The following DHX29 variants were observed in gnomAD, a reference collection of about 807,000 sequenced individuals.
The protein encoded by DHX29 is DExH-box helicase 29.
A neutral mutation model predicts 167.9 loss-of-function variants in DHX29; 79 were observed. The observed-to-expected ratio is 0.47, with a 90% CI of 0.39 to 0.57. The LOEUF is 0.57. Ranked by LOEUF, DHX29 falls within the 20% of genes least tolerant of loss-of-function variation. The pLI is 0.00. For missense variants in DHX29, 1,347 were observed against 1,593.4 expected, an observed-to-expected ratio of 0.85 and a Z score of 2.63; for synonymous variants, 530 against 546.0, an observed-to-expected ratio of 0.97 and a Z score of 0.41.
chr5:55,282,070 G>A (rs1055334908), intron 11 of DHX29, among the ~76,000 whole-genome samples: 4 of 152,138 alleles, frequency 2.6e-5, no homozygotes, highest in Non-Finnish European at 5.9e-5. Context: ...ATAGGCGTGA[G>A]CCACCACACC....
intron 12 of DHX29, among the ~76,000 whole-genome samples, chr5:55,280,403 C>G (rs1561151378): frequency 1.3e-5 from 2 of 152,210 alleles, no homozygotes; most frequent in East Asian, 3.9e-4. Context: ...TTTCAACTTA[C>G]CTAACAGTAA....
At chr5:55,281,575 TA>T in intron 11 of DHX29, 60 bp from the exon 12 acceptor site, 1 of 1,337,634 alleles carries the variant, frequency 7.5e-7, no homozygotes, top group Non-Finnish European at 9.9e-7. Context: ...AAACAAGCTT[TA>T]AAAAGTGAAG....
chr5:55,288,434 T>C (rs1233675469), intron 8 of DHX29, among the ~76,000 whole-genome samples: 2 of 151,052 alleles, frequency 1.3e-5, no homozygotes, highest in South Asian at 2.1e-4. Context: ...CATAATACTA[T>C]ACTATTTACT....
At chr5:55,296,373 A>T (rs1748317949) in intron 3 of DHX29, 24 bp from the exon 4 acceptor site, 1 of 1,598,848 alleles carries the variant, frequency 6.3e-7, no homozygotes, top group Non-Finnish European at 8.5e-7. Context: ...ATATAAAAAA[A>T]GTCACATTTG....
At chr5:55,274,752 C>G in intron 15 of DHX29, 21 bp from the exon 16 acceptor site, 1 of 1,570,162 alleles carries the variant, frequency 6.4e-7, no homozygotes, top group Non-Finnish European at 8.6e-7. Flanking sequence ...TAAAAAGATA[C>G]AATATTCAAA....
chr5:55,294,797 T>TA (rs1748228880), intron 5 of DHX29: 1 of 152,772 alleles, frequency 6.5e-6, no homozygotes, highest in African/African-American at 2.4e-5. Flanking sequence ...CCTAATGAAT[T>TA]ACAGTCCCAT....
chr5:55,284,773 A>AT (rs1045909281), intron 10 of DHX29, among the ~76,000 whole-genome samples: 1 of 152,208 alleles, frequency 6.6e-6, no homozygotes, highest in Non-Finnish European at 1.5e-5. Context: ...TGTCTACATA[A>AT]TTTTTTTAAG....
chr5:55,264,126 C>T (rs530663573), intron 23 of DHX29, among the ~76,000 whole-genome samples: 2 of 151,224 alleles, frequency 1.3e-5, no homozygotes, highest in Non-Finnish European at 2.9e-5. Context: ...GAGACCCCAT[C>T]TATTTAAAAA....
chr5:55,267,678 G>A lies in DHX29; in HGVS notation c.3431+8C>T, dbSNP rs1441023231. 1 of 1,593,358 alleles carries A rather than the reference G, an allele frequency of 6.3e-7. No homozygotes were observed. Among genetic ancestry groups the A allele is most frequent in the Admixed American group, 1.7e-5 (1 of 58,160 alleles). On this transcript the variant is annotated splice_region_variant and intron_variant, in intron 22 of 26. Coordinates refer to ENST00000251636, the MANE Select transcript of DHX29 (RefSeq NM_019030.4). ...GGCTTACTGATAACAGCCAGATTAT[G>A]TTTTTACCCTAGATATGCATTGTAG...
intron 23 of DHX29, among the ~76,000 whole-genome samples, chr5:55,263,500 T>A (rs1048679354): frequency 6.6e-6 from 1 of 152,044 alleles, no homozygotes; most frequent in Non-Finnish European, 1.5e-5. Context: ...GTACACAGGA[T>A]ACAAGCAATT....
Position 55,269,562 on chromosome 5 carries a change from CA to C in DHX29, c.3144del (p.Asn1048LysfsTer3). ...LDPPQLQVIS[N>X]AMNLLRKIGA... ...CCAATTTTTCGGAGCAAATTCATTG[CA>C]TTGCTGATCACTTGGAGCTGAGGAG... is the stretch of plus-strand genomic sequence containing the variant. On this transcript the variant is annotated frameshift_variant, in exon 21 of 27. Coordinates refer to ENST00000251636, the MANE Select transcript of DHX29 (RefSeq NM_019030.4). LOFTEE classifies it high-confidence loss of function. 6.2e-7 allele frequency: 1 copy of C among 1,614,098 alleles called. No individual in the cohort carries two copies. The highest frequency in any genetic ancestry group is 8.5e-7 in the Non-Finnish European group (1 of 1,180,008).
At chr5:55,270,828 A>T (rs1006451076) in intron 18 of DHX29, 122 bp from the exon 19 acceptor site, 1 of 666,238 alleles carries the variant, frequency 1.5e-6, no homozygotes, top group Admixed American at 2.9e-5. Context: ...ATTGTGGACC[A>T]ATAGTTCTCA....
intron 12 of DHX29, among the ~76,000 whole-genome samples, chr5:55,280,178 G>C (rs894240734): frequency 1.3e-5 from 2 of 152,094 alleles, no homozygotes; most frequent in African/African-American, 4.8e-5. Flanking sequence ...TCACTTCTAG[G>C]CTTTTTTTAC....
intron 23 of DHX29, 97 bp from the exon 24 acceptor site, chr5:55,263,029 A>G: frequency 2.2e-6 from 2 of 904,774 alleles, no homozygotes. Flanking sequence ...ATAAAAATTG[A>G]CAGGATGCTA....
rs769037605 is a variant in DHX29 at position 55,289,252 on chromosome 5, A to G, written c.1066+18T>C. 1 of 1,529,938 alleles carries G rather than the reference A, an allele frequency of 6.5e-7. No homozygotes were observed. Among genetic ancestry groups the G allele is most frequent in the South Asian group, 1.3e-5 (1 of 76,018 alleles). 94.8% of individuals were successfully genotyped at this position (1,529,938 alleles called of 1,614,324 possible). A position where few individuals can be genotyped will look rare whatever the true frequency, so the allele number is the denominator to read the frequency against. On this transcript the variant is annotated intron_variant, in intron 8 of 26. Transcript: ENST00000251636. ...ATTATTTACAAATTACACCCTGACC[A>G]TCTTCCCTTAATTTTACCTTTCTCT...
intron 23 of DHX29, among the ~76,000 whole-genome samples, chr5:55,263,853 T>TA (rs753099032): frequency 6.6e-6 from 1 of 150,620 alleles, no homozygotes; most frequent in Non-Finnish European, 1.5e-5. Context: ...TCATTCCACT[T>TA]AGAGAAGTCT....
intron 14 of DHX29, among the ~76,000 whole-genome samples, chr5:55,275,532 C>T (rs1322486166): frequency 6.6e-6 from 1 of 152,070 alleles, no homozygotes; most frequent in Non-Finnish European, 1.5e-5. Flanking sequence ...TTTTGTCTAT[C>T]TGCTTAATTA....
intron 23 of DHX29, 86 bp from the exon 24 acceptor site, chr5:55,263,018 T>C: frequency 9.9e-7 from 1 of 1,013,164 alleles, no homozygotes; most frequent in Non-Finnish European, 1.4e-6. Flanking sequence ...TACTGCTTCC[T>C]ATAAAAATTG....
At chr5:55,265,670 T>TAAAAAAAAAAAAA (rs11362570) in intron 23 of DHX29, among the ~76,000 whole-genome samples, 2 of 143,478 alleles carry the variant, frequency 1.4e-5, no homozygotes, top group Non-Finnish European at 1.5e-5. Context: ...GAACTAGCTG[T>TAAAAAAAAAAAAA]AAAAAAAAAA....
Sources: gnomAD v4.1 joint callset for allele counts (sites outside exome capture counted in the v4.1 genomes callset) on GRCh38, gnomAD v4.1.1 for gene constraint, MANE v1.5 for transcripts, NCBI Gene and HGNC (gene_info 2026-07-23, HGNC 2026-07-21) for gene names.